DAB1: variants seen among roughly 807,000 people sequenced by gnomAD.
DAB1 encodes the protein disabled homolog 1.
Under a neutral mutation model 64.6 loss-of-function variants are expected in DAB1, and 15 were observed. The observed-to-expected ratio is 0.23, with a 90% CI of 0.16 to 0.36. DAB1 has a LOEUF of 0.36. DAB1 is among the 10% of genes least tolerant of loss of function. The probability of loss-of-function intolerance (pLI) is 1.00; values close to 1 mark genes in which losing one functional copy is unlikely to be tolerated. For missense variants in DAB1, 596 were observed against 706.7 expected (o/e 0.84, Z 1.78); for synonymous variants, 235 against 251.9 (o/e 0.93, Z 0.64).
intron 3 of DAB1, among the ~76,000 whole-genome samples, chr1:58,379,051 G>A (rs1208268935): frequency 8.6e-5 from 13 of 151,506 alleles, no homozygotes; most frequent in East Asian, 5.9e-4. Flanking sequence ...CGCATGGTGC[G>A]CGCACCCACT....
intron 3 of DAB1, among the ~76,000 whole-genome samples, chr1:58,363,983 A>C (rs1274643588): frequency 6.6e-6 from 1 of 152,184 alleles, no homozygotes; most frequent in Non-Finnish European, 1.5e-5. Flanking sequence ...AGGTAGCTCT[A>C]CGCCTAGAGG....
intron 5 of DAB1, among the ~76,000 whole-genome samples, chr1:58,070,680 G>A (rs1353149095): frequency 1.3e-5 from 2 of 152,208 alleles, no homozygotes; most frequent in East Asian, 1.9e-4. Context: ...GGCTAGGATA[G>A]GCATGCGAGG....
At chr1:57,390,185 G>A (rs562737510) in intron 1 of DAB1, among the ~76,000 whole-genome samples, 1 of 152,286 alleles carries the variant, frequency 6.6e-6, no homozygotes, top group African/African-American at 2.4e-5. Context: ...AAGTAAGACT[G>A]TAACCTTCTT....
chr1:57,397,570 T>C (rs1682913684), intron 1 of DAB1, among the ~76,000 whole-genome samples: 1 of 151,976 alleles, frequency 6.6e-6, no homozygotes, highest in South Asian at 2.1e-4. Context: ...GAAAAGAGAG[T>C]GCACGTCCAC....
rs75720862 is a variant in DAB1, at chr1:57,450,721, A to C, written n.626-159555T>G. On this transcript the variant is annotated intron_variant and non_coding_transcript_variant, in intron 7 of 20. Coordinates refer to the DAB1 transcript ENST00000485760. ...TTTACAGTTAATTATAAACACATAAACCTTCTTTGTTGATCCAATTTCAAA... is the reference window on the plus strand; with the variant it reads ...TTTACAGTTAATTATAAACACATAACCCTTCTTTGTTGATCCAATTTCAAA... Among the ~76,000 whole-genome samples the C allele has an allele frequency of 1.6e-4, 24 of 152,326 alleles. No homozygotes were observed. The East Asian group carries it at 4.6e-3, about 29-fold the overall frequency.
chr1:57,418,595 T>C (rs1231080231), intron 1 of DAB1, among the ~76,000 whole-genome samples: 1 of 152,164 alleles, frequency 6.6e-6, no homozygotes, highest in African/African-American at 2.4e-5. Context: ...CTTATTTTTA[T>C]ACCATAAGTT....
At chr1:57,314,436 A>C (rs1675009210) in intron 1 of DAB1, among the ~76,000 whole-genome samples, 1 of 152,016 alleles carries the variant, frequency 6.6e-6, no homozygotes, top group Admixed American at 6.6e-5. Flanking sequence ...ACCTGGTTCA[A>C]CTTTCATCAG....
intron 5 of DAB1, among the ~76,000 whole-genome samples, chr1:57,993,598 C>T (rs1305688796): frequency 6.6e-6 from 1 of 152,200 alleles, no homozygotes; most frequent in Non-Finnish European, 1.5e-5. Context: ...GGCTGATAGT[C>T]TTGTCCTAGT....
intron 4 of DAB1, among the ~76,000 whole-genome samples, chr1:58,212,780 G>A (rs1381537525): frequency 6.6e-6 from 1 of 152,038 alleles, no homozygotes; most frequent in Non-Finnish European, 1.5e-5. Context: ...AGTGAACCAG[G>A]GTACATTTTA....
intron 5 of DAB1, among the ~76,000 whole-genome samples, chr1:58,088,399 G>A (rs1650446900): frequency 6.6e-6 from 1 of 152,196 alleles, no homozygotes; most frequent in African/African-American, 2.4e-5. Flanking sequence ...AGGTATTGTG[G>A]CCATTTGCCC....
chr1:57,832,044 C>A (rs2101905345), intron 1 of DAB1, among the ~76,000 whole-genome samples: 1 of 152,168 alleles, frequency 6.6e-6, no homozygotes, highest in Middle Eastern at 3.4e-3. Context: ...TATGTACGTG[C>A]ATAATTAAAT....
chr1:57,439,426 T>TTTTTTTTTTTTTTTTTTTTTTTTTG (rs1685835741), intron 7 of DAB1, among the ~76,000 whole-genome samples: 1 of 94,860 alleles, frequency 1.1e-5, no homozygotes, highest in African/African-American at 5.5e-5. Flanking sequence ...AGGTTTTTTC[T>TTTTTTTTTTTTTTTTTTTTTTTTTG]TTTTTTTTTT....
chr1:58,212,208 C>A (rs80311059), intron 4 of DAB1, among the ~76,000 whole-genome samples: 2 of 152,192 alleles, frequency 1.3e-5, no homozygotes, highest in Admixed American at 1.3e-4. Context: ...TCTCTTACAG[C>A]AGCAGAGAAG....
At chr1:57,146,339 T>C (rs538316197) in intron 2 of DAB1, among the ~76,000 whole-genome samples, 5 of 152,370 alleles carry the variant, frequency 3.3e-5, no homozygotes, top group Admixed American at 2.0e-4. Context: ...ATACTTTGAT[T>C]AGTCAGAGGT....
intron 1 of DAB1, among the ~76,000 whole-genome samples, chr1:57,358,793 G>C (rs1679325313): frequency 6.6e-6 from 1 of 151,898 alleles, no homozygotes; most frequent in African/African-American, 2.4e-5. Flanking sequence ...TAGACCAATA[G>C]AACAGAATAG....
chr1:57,674,800 A>T (rs189741781), intron 6 of DAB1, among the ~76,000 whole-genome samples: 35 of 152,182 alleles, frequency 2.3e-4, no homozygotes, highest in African/African-American at 8.4e-4. Context: ...CCCCTTGGAG[A>T]CCCCAAGAAT....
chr1:57,556,668 T>C (rs189261895), intron 7 of DAB1, among the ~76,000 whole-genome samples: 1 of 152,336 alleles, frequency 6.6e-6, no homozygotes, highest in East Asian at 1.9e-4. Flanking sequence ...TCCTTGTAGA[T>C]TCTGGATATT....
intron 2 of DAB1, among the ~76,000 whole-genome samples, chr1:57,147,730 A>G (rs985578795): frequency 6.6e-6 from 1 of 152,198 alleles, no homozygotes; most frequent in Non-Finnish European, 1.5e-5. Context: ...CTTTAATTAT[A>G]ATCACAATAC....
intron 6 of DAB1, among the ~76,000 whole-genome samples, chr1:57,695,181 G>A (rs186561809): frequency 4.0e-5 from 6 of 151,092 alleles, no homozygotes; most frequent in East Asian, 3.9e-4. Context: ...CTAAGATCTC[G>A]CCACTGTATT....
Sources: gnomAD v4.1 joint callset for allele counts (sites outside exome capture counted in the v4.1 genomes callset) on GRCh38, gnomAD v4.1.1 for gene constraint, MANE v1.5 for transcripts, NCBI Gene and HGNC (gene_info 2026-07-23, HGNC 2026-07-21) for gene names.